Variants in HDAC4 observed in about 807,000 individuals in gnomAD.
HDAC4 encodes the protein histone deacetylase 4.
Under a neutral mutation model 135.1 loss-of-function variants are expected in HDAC4, and 16 were observed. The ratio of observed to expected loss-of-function variants is 0.12; its 90% CI spans 0.08 to 0.18. HDAC4 has a LOEUF of 0.18. HDAC4 is among the 10% of genes least tolerant of loss of function. The pLI is 1.00. For missense variants in HDAC4, 1,143 were observed against 1,511.8 expected (o/e 0.76, Z 4.05); for synonymous variants, 685 against 653.4 (o/e 1.05, Z -0.74).
chr2:239,291,063 G>C (rs1328688932), intron 2 of HDAC4, among the ~76,000 whole-genome samples: 1 of 152,246 alleles, frequency 6.6e-6, no homozygotes, highest in Non-Finnish European at 1.5e-5. Context: ...CTGCTGGTGC[G>C]TGCCCGGGAC....
At chr2:239,275,300 C>T (rs1431367579) in intron 2 of HDAC4, among the ~76,000 whole-genome samples, 2 of 152,242 alleles carry the variant, frequency 1.3e-5, no homozygotes, top group Non-Finnish European at 2.9e-5. Flanking sequence ...TGCTCACTGC[C>T]GCTTTCTTCA....
chr2:239,088,264 A>C (rs930606771), intron 18 of HDAC4, among the ~76,000 whole-genome samples: 5 of 152,240 alleles, frequency 3.3e-5, no homozygotes, highest in Non-Finnish European at 7.3e-5. Context: ...TCCTGGTCTC[A>C]CCAGCAACAG....
chr2:239,289,113 G>A (rs867222494), intron 2 of HDAC4, among the ~76,000 whole-genome samples: 7 of 152,158 alleles, frequency 4.6e-5, no homozygotes, highest in African/African-American at 1.4e-4. Context: ...TGAGCTGGCC[G>A]CACAGCTATC....
chr2:239,206,303 G>A (rs1305781491), intron 3 of HDAC4, among the ~76,000 whole-genome samples: 1 of 152,062 alleles, frequency 6.6e-6, no homozygotes. Flanking sequence ...ACTCCAGCCT[G>A]GGCAAAAGAG....
chr2:239,287,362 G>A (rs1212412486), intron 2 of HDAC4, among the ~76,000 whole-genome samples: 2 of 152,172 alleles, frequency 1.3e-5, no homozygotes, highest in African/African-American at 4.8e-5. Flanking sequence ...CCCTTAATCA[G>A]AATTTGTTTG....
At chr2:239,064,114 A>G (rs907486122) in intron 24 of HDAC4, among the ~76,000 whole-genome samples, 1 of 151,890 alleles carries the variant, frequency 6.6e-6, no homozygotes, top group Non-Finnish European at 1.5e-5. Context: ...GGAGGAACAC[A>G]CAGCTGACGC....
chr2:239,342,332 A>G (rs1559373487), intron 2 of HDAC4, among the ~76,000 whole-genome samples: 1 of 152,186 alleles, frequency 6.6e-6, no homozygotes, highest in South Asian at 2.1e-4. Flanking sequence ...ATACAAACTC[A>G]AAGAGCTAAT....
At chr2:239,263,254 C>T (rs1020695992) in intron 2 of HDAC4, among the ~76,000 whole-genome samples, 3 of 151,480 alleles carry the variant, frequency 2.0e-5, no homozygotes, top group South Asian at 2.1e-4. Context: ...TCCCGAAGCC[C>T]GCCCTGAGGA....
chr2:239,234,912 G>A (rs2047794693), intron 3 of HDAC4, among the ~76,000 whole-genome samples: 1 of 152,142 alleles, frequency 6.6e-6, no homozygotes, highest in Non-Finnish European at 1.5e-5. Flanking sequence ...TTACCCTCGT[G>A]CCACGCCTGG....
chr2:239,068,411 G>A lies in HDAC4; in HGVS notation c.2869+78C>T, dbSNP rs2033802003. ...CCCTTCCTTATCTCGTTATTAAAAAGGGGACCTGACACGCGGAACACAGCG... is the reference window on the plus strand; with the variant it reads ...CCCTTCCTTATCTCGTTATTAAAAAAGGGACCTGACACGCGGAACACAGCG... On this transcript the variant is annotated intron_variant, in intron 23 of 26. Coordinates refer to ENST00000543185, the MANE Select transcript of HDAC4 (RefSeq NM_001378414.1). The surrounding 1 kb of genome is among the most constrained non-coding windows in gnomAD (Gnocchi z 4.4). 8.7e-6 allele frequency: 9 copies of A among 1,033,758 alleles called. No homozygotes were observed. The allele number at this position is 1,033,758 out of a possible 1,614,324, so 64.0% of individuals were successfully genotyped here.
At chr2:239,355,189 T>G (rs377360332) in intron 1 of HDAC4, among the ~76,000 whole-genome samples, 1 of 152,348 alleles carries the variant, frequency 6.6e-6, no homozygotes, top group East Asian at 1.9e-4. Flanking sequence ...TCAACAAATA[T>G]AGGTCTTCTT....
intron 3 of HDAC4, among the ~76,000 whole-genome samples, chr2:239,205,351 C>G (rs1559223996): frequency 6.6e-6 from 1 of 152,080 alleles, no homozygotes; most frequent in Non-Finnish European, 1.5e-5. Flanking sequence ...TCAGAAGACC[C>G]CGCAATATGG....
chr2:239,065,775 C>T (rs1037647079), intron 24 of HDAC4, among the ~76,000 whole-genome samples: 3 of 152,216 alleles, frequency 2.0e-5, no homozygotes, highest in Non-Finnish European at 4.4e-5. Flanking sequence ...GAGTCCCCCA[C>T]GTGCCAGCTG....
chr2:239,381,867 G>A (rs73106705), intron 1 of HDAC4, among the ~76,000 whole-genome samples: 1 of 152,288 alleles, frequency 6.6e-6, no homozygotes, highest in African/African-American at 2.4e-5. Flanking sequence ...CCTCCTAGGC[G>A]AGAGATCCCC....
chr2:239,224,371 C>A (rs76583402), intron 3 of HDAC4, among the ~76,000 whole-genome samples: 2 of 152,210 alleles, frequency 1.3e-5, no homozygotes, highest in Non-Finnish European at 2.9e-5. Context: ...CTGTGGCATA[C>A]GTCACGTGGT....
rs986465910 is a variant in HDAC4, at chr2:239,312,514, C to T, written c.22+40164G>A. Among the ~76,000 whole-genome samples, 10 of 152,310 alleles carry T rather than the reference C, an allele frequency of 6.6e-5. No individual in the cohort carries two copies. In the South Asian group the frequency reaches 8.3e-4, roughly 13 times the overall value. ...CAAAGCCAGATGATGGTGAAATTCA[C>T]GAGGAAAATGTCCCCGACTGTCCTC... On this transcript the variant is annotated intron_variant, in intron 2 of 26. Coordinates refer to ENST00000543185, the MANE Select transcript of HDAC4 (RefSeq NM_001378414.1).
chr2:239,120,412 C>G (rs1485750389), intron 12 of HDAC4, among the ~76,000 whole-genome samples: 39 of 140,008 alleles, frequency 2.8e-4, no homozygotes, highest in Admixed American at 9.7e-4. Flanking sequence ...GACACACACA[C>G]ACAGACACAG....
At chr2:239,348,734 A>G (rs1406494734) in intron 2 of HDAC4, among the ~76,000 whole-genome samples, 1 of 152,214 alleles carries the variant, frequency 6.6e-6, no homozygotes, top group African/African-American at 2.4e-5. Context: ...AAGGGGCGTA[A>G]GGCTCCAGGG....
At chr2:239,140,001 A>C (rs1428720798) in intron 8 of HDAC4, among the ~76,000 whole-genome samples, 3 of 152,234 alleles carry the variant, frequency 2.0e-5, no homozygotes, top group African/African-American at 7.2e-5. Context: ...CACTGACTTC[A>C]CTTTTTCTAG....
Sources: allele counts gnomAD v4.1 joint callset (sites outside exome capture counted in the v4.1 genomes callset), GRCh38; gene constraint gnomAD v4.1.1; non-coding constraint Gnocchi (gnomAD v3.1); transcripts MANE v1.5; gene names NCBI Gene and HGNC (gene_info 2026-07-23, HGNC 2026-07-21).